Variants in PTPRT observed in about 807,000 individuals in gnomAD.
PTPRT encodes receptor-type tyrosine-protein phosphatase T.
A neutral mutation model predicts 176.8 loss-of-function variants in PTPRT; 56 were observed. That is an observed-to-expected ratio of 0.32 (90% CI 0.26 to 0.40). PTPRT has a LOEUF of 0.40. PTPRT is among the 10% of genes least tolerant of loss of function. PTPRT has a pLI of 1.00. For missense variants in PTPRT, 1,540 were observed against 1,908.2 expected (o/e 0.81, Z 3.60); for synonymous variants, 783 against 739.0 (o/e 1.06, Z -0.96).
chr20:42,410,705 C>T (rs914916012), intron 9 of PTPRT, among the ~76,000 whole-genome samples: 2 of 151,516 alleles, frequency 1.3e-5, no homozygotes, highest in Non-Finnish European at 2.9e-5. Flanking sequence ...TTTAAAAGAA[C>T]TTCAATAACA....
At chr20:42,715,658 C>T (rs910393862) in intron 6 of PTPRT, among the ~76,000 whole-genome samples, 19 of 151,946 alleles carry the variant, frequency 1.3e-4, no homozygotes, top group African/African-American at 4.4e-4. Context: ...CTTTGCAACC[C>T]GTGACAGTGC....
At chr20:42,579,155 G>A (rs565875849) in intron 7 of PTPRT, among the ~76,000 whole-genome samples, 47 of 147,362 alleles carry the variant, frequency 3.2e-4, no homozygotes, top group East Asian at 2.2e-3. Flanking sequence ...GAGAATATGC[G>A]GTGTTTGGTT....
At chr20:42,794,965 C>T (rs13036500) in intron 2 of PTPRT, among the ~76,000 whole-genome samples, 18,102 of 152,014 alleles carry the variant, frequency 0.12, 1,366 homozygotes, top group East Asian at 0.34. Context: ...AGCCTATCTG[C>T]GAGTTGAGCT....
intron 15 of PTPRT, among the ~76,000 whole-genome samples, chr20:42,205,717 G>A (rs2055440442): frequency 6.6e-6 from 1 of 151,974 alleles, no homozygotes; most frequent in Non-Finnish European, 1.5e-5. Context: ...TCCCCATAGG[G>A]CTCCTCCTCT....
At chr20:42,172,613 C>A (rs74823654) in intron 16 of PTPRT, among the ~76,000 whole-genome samples, 2 of 152,218 alleles carry the variant, frequency 1.3e-5, no homozygotes, top group Admixed American at 1.3e-4. Context: ...ATACCCTTCA[C>A]CCAGTTTTCC....
chr20:43,187,578 A>T (rs561080411), intron 1 of PTPRT, among the ~76,000 whole-genome samples: 2 of 152,202 alleles, frequency 1.3e-5, no homozygotes, highest in East Asian at 3.9e-4. Context: ...GAGGCTTAGA[A>T]TGCACCAGTT....
At chr20:43,024,092 C>T (rs1172011190) in intron 1 of PTPRT, among the ~76,000 whole-genome samples, 1 of 152,106 alleles carries the variant, frequency 6.6e-6, no homozygotes, top group Non-Finnish European at 1.5e-5. Context: ...GTATCCAAGG[C>T]ACAGTGCCTG....
intron 8 of PTPRT, among the ~76,000 whole-genome samples, chr20:42,452,870 C>T (rs115735064): frequency 0.015 from 2,328 of 152,038 alleles, 51 homozygotes; most frequent in African/African-American, 0.053. Flanking sequence ...CTGTGTATAC[C>T]ATACATGGTA....
At chr20:43,071,082 G>A (rs895642325) in intron 1 of PTPRT, among the ~76,000 whole-genome samples, 4 of 152,020 alleles carry the variant, frequency 2.6e-5, no homozygotes, top group South Asian at 2.1e-4. Context: ...ACAAAGGCAA[G>A]GCAAGGAGGG....
chr20:42,590,983 C>T (rs1433605641), intron 7 of PTPRT, among the ~76,000 whole-genome samples: 10 of 144,602 alleles, frequency 6.9e-5, no homozygotes, highest in Admixed American at 4.9e-4. Flanking sequence ...TGTAATGGGG[C>T]ATTCCAAAGA....
At chr20:42,862,947 T>C (rs181471390) in intron 2 of PTPRT, among the ~76,000 whole-genome samples, 1 of 152,302 alleles carries the variant, frequency 6.6e-6, no homozygotes, top group South Asian at 2.1e-4. Flanking sequence ...AACTAACCCA[T>C]ACAGAGACAC....
intron 9 of PTPRT, among the ~76,000 whole-genome samples, chr20:42,419,642 C>A (rs983790454): frequency 6.6e-6 from 1 of 152,074 alleles, no homozygotes; most frequent in Non-Finnish European, 1.5e-5. Flanking sequence ...TCTCCCTCTC[C>A]TAGGATTTCC....
intron 1 of PTPRT, among the ~76,000 whole-genome samples, chr20:43,166,395 T>C (rs532300007): frequency 6.6e-6 from 1 of 152,314 alleles, no homozygotes; most frequent in South Asian, 2.1e-4. Flanking sequence ...GAAGGCTTTA[T>C]TTTTCTTTAA....
chr20:42,155,813 T>C (rs1249272937), intron 17 of PTPRT, among the ~76,000 whole-genome samples: 1 of 152,172 alleles, frequency 6.6e-6, no homozygotes, highest in African/African-American at 2.4e-5. Context: ...TTTCCTTGAA[T>C]TACTGTCCCA....
intron 8 of PTPRT, among the ~76,000 whole-genome samples, chr20:42,466,215 A>G (rs924014947): frequency 2.0e-5 from 3 of 152,222 alleles, no homozygotes; most frequent in East Asian, 1.9e-4. Flanking sequence ...TGCAATGAAC[A>G]TATACATGCA....
chr20:43,113,237 C>T (rs566771512), intron 1 of PTPRT, among the ~76,000 whole-genome samples: 2 of 152,308 alleles, frequency 1.3e-5, no homozygotes, highest in African/African-American at 4.8e-5. Flanking sequence ...ATGAACTTTG[C>T]TGTCTTTCTT....
At chr20:42,330,944 C>G (rs1467834077) in intron 11 of PTPRT, among the ~76,000 whole-genome samples, 1 of 152,156 alleles carries the variant, frequency 6.6e-6, no homozygotes. Context: ...TAAGAGGTCC[C>G]AACTTATTTC....
At chr20:42,844,471 T>C (rs1031451833) in intron 2 of PTPRT, among the ~76,000 whole-genome samples, 7 of 152,176 alleles carry the variant, frequency 4.6e-5, no homozygotes, top group South Asian at 2.1e-4. Flanking sequence ...GGTGATTTCA[T>C]TGGTTTCCAG....
chr20:42,973,859 T>G (rs911625957), intron 1 of PTPRT, among the ~76,000 whole-genome samples: 2 of 152,186 alleles, frequency 1.3e-5, no homozygotes, highest in African/African-American at 4.8e-5. Context: ...AGTACTCCAT[T>G]TATTCAGAAA....
Sources: allele counts gnomAD v4.1 joint callset (sites outside exome capture counted in the v4.1 genomes callset), GRCh38; gene constraint gnomAD v4.1.1; transcripts MANE v1.5; gene names NCBI Gene and HGNC (gene_info 2026-07-23, HGNC 2026-07-21).